Variants in IMPG1 observed in about 807,000 individuals in gnomAD.
IMPG1 encodes interphotoreceptor matrix proteoglycan of 150 kDa.
Under a neutral mutation model 92.0 loss-of-function variants are expected in IMPG1, and 85 were observed. The observed-to-expected ratio is 0.92, with a 90% confidence interval of 0.78 to 1.11. The LOEUF is 1.11. Among genes scored for constraint, IMPG1 ranks in the 50% least tolerant of loss-of-function variants. IMPG1 has a pLI of 0.00. For missense variants in IMPG1, 1,022 were observed against 956.0 expected, an observed-to-expected ratio of 1.07 and a Z score of -0.91; for synonymous variants, 367 against 334.1, an observed-to-expected ratio of 1.10 and a Z score of -1.08.
chr6:75,975,319 G>T (rs949423894), intron 12 of IMPG1, among the ~76,000 whole-genome samples: 1 of 152,212 alleles, frequency 6.6e-6, no homozygotes, highest in Non-Finnish European at 1.5e-5. Context: ...CTGGAACAAA[G>T]TCAGTTCTGA....
intron 2 of IMPG1, among the ~76,000 whole-genome samples, chr6:76,039,303 T>G (rs1016124558): frequency 6.6e-6 from 1 of 151,844 alleles, no homozygotes; most frequent in African/African-American, 2.4e-5. Flanking sequence ...TAGGACCCTA[T>G]CCATCTTTAA....
At chr6:76,065,150 AAGAAACTCTG>A (rs1784287801) in intron 1 of IMPG1, among the ~76,000 whole-genome samples, 1 of 152,186 alleles carries the variant, frequency 6.6e-6, no homozygotes, top group Non-Finnish European at 1.5e-5. Context: ...TGCAGATAAG[AAGAAACTCTG>A]TGAAACTCTG....
chr6:76,042,183 C>T, intron 1 of IMPG1, 57 bp from the exon 2 acceptor site: 1 of 900,672 alleles, frequency 1.1e-6, no homozygotes, highest in Non-Finnish European at 1.8e-6. Flanking sequence ...TTATATGTGA[C>T]ATATATGGAT....
At chr6:75,988,459 T>C (rs978582245) in intron 12 of IMPG1, among the ~76,000 whole-genome samples, 1 of 152,240 alleles carries the variant, frequency 6.6e-6, no homozygotes, top group Non-Finnish European at 1.5e-5. Flanking sequence ...GCCTACTTTT[T>C]GATGGGGTTG....
intron 4 of IMPG1, 31 bp from the exon 5 acceptor site, chr6:76,025,289 TG>T: frequency 7.7e-7 from 1 of 1,290,736 alleles, no homozygotes; most frequent in South Asian, 1.3e-5. Flanking sequence ...AAGGAAGAGG[TG>T]GTGAAAGAGA....
chr6:75,967,354 G>T (rs1021887957), intron 12 of IMPG1, among the ~76,000 whole-genome samples: 5 of 152,060 alleles, frequency 3.3e-5, no homozygotes, highest in African/African-American at 1.2e-4. Flanking sequence ...GTGGGTTGGG[G>T]GTGAGAAGGG....
chr6:76,046,721 G>C (rs541707272), intron 1 of IMPG1, among the ~76,000 whole-genome samples: 1 of 152,246 alleles, frequency 6.6e-6, no homozygotes, highest in East Asian at 1.9e-4. Context: ...CAGGGTTTCT[G>C]TGATATTAAA....
intron 1 of IMPG1, 53 bp downstream of exon 1, chr6:76,072,369 A>T (rs1000101334): frequency 2.0e-6 from 2 of 976,178 alleles, no homozygotes; most frequent in East Asian, 2.5e-5. Flanking sequence ...ATTCACTTCT[A>T]TCGGTAGATT....
chr6:75,936,248 C>T (rs1339639619), intron 14 of IMPG1, among the ~76,000 whole-genome samples: 3 of 152,238 alleles, frequency 2.0e-5, no homozygotes, highest in African/African-American at 4.8e-5. Flanking sequence ...CCAACTCAAA[C>T]ATACGTCTCC....
intron 1 of IMPG1, among the ~76,000 whole-genome samples, chr6:76,061,233 T>A (rs1784199841): frequency 6.6e-6 from 1 of 152,352 alleles, no homozygotes; most frequent in African/African-American, 2.4e-5. Context: ...TCAGGTGTGC[T>A]GCCACAGATT....
chr6:75,948,818 T>G (rs1459369608), intron 13 of IMPG1, among the ~76,000 whole-genome samples: 2 of 152,194 alleles, frequency 1.3e-5, no homozygotes, highest in African/African-American at 4.8e-5. Flanking sequence ...TTCCCACTAA[T>G]ATGATGTGGG....
At chr6:76,016,503 C>T (rs1325896255) in intron 7 of IMPG1, among the ~76,000 whole-genome samples, 2 of 152,156 alleles carry the variant, frequency 1.3e-5, no homozygotes, top group African/African-American at 4.8e-5. Context: ...CATAAATGCC[C>T]CATGCTGATT....
intron 12 of IMPG1, among the ~76,000 whole-genome samples, chr6:75,974,401 T>G (rs866798953): frequency 6.5e-5 from 6 of 92,824 alleles, no homozygotes; most frequent in Non-Finnish European, 1.3e-4. Context: ...CTTTTCTTTC[T>G]TTCCTTCCTT....
chr6:75,984,754 G>T (rs962140216), intron 12 of IMPG1, among the ~76,000 whole-genome samples: 1 of 152,162 alleles, frequency 6.6e-6, no homozygotes, highest in Non-Finnish European at 1.5e-5. Context: ...GATCCTTCAC[G>T]AATGGCTTAG....
At chr6:76,035,166 G>A (rs558233815) in intron 2 of IMPG1, among the ~76,000 whole-genome samples, 5 of 152,158 alleles carry the variant, frequency 3.3e-5, no homozygotes, top group Admixed American at 2.0e-4. Flanking sequence ...GGATGTCACT[G>A]TGGCCAGAGC....
chr6:75,982,595 A>G (rs1360450222), intron 12 of IMPG1, among the ~76,000 whole-genome samples: 1 of 149,760 alleles, frequency 6.7e-6, no homozygotes, highest in East Asian at 1.9e-4. Flanking sequence ...AGATATATAT[A>G]TGTGTGTGTA....
intron 12 of IMPG1, among the ~76,000 whole-genome samples, chr6:75,971,330 AG>A (rs1189360120): frequency 5.6e-5 from 5 of 88,744 alleles, no homozygotes; most frequent in Non-Finnish European, 8.8e-5. Context: ...GGGTCGGGGG[AG>A]GGGGGAGGGA....
At chr6:75,956,387 G>C (rs1282688414) in intron 12 of IMPG1, among the ~76,000 whole-genome samples, 1 of 152,168 alleles carries the variant, frequency 6.6e-6, no homozygotes, top group African/African-American at 2.4e-5. Flanking sequence ...CTTGCGTAGA[G>C]GTGTTTATAG....
Position 75,965,606 on chromosome 6 carries a change from C to CTTTT in IMPG1, c.1292-14516_1292-14513dup, listed in dbSNP as rs35490140. On this transcript the variant is annotated intron_variant, in intron 12 of 16. Transcript: ENST00000369950. ...TGTTTATATTTTCTACATACTTGTT[C>CTTTT]TTTTTTTTTTTTTTTTTTTGAGACG... Among the ~76,000 whole-genome samples, 1,020 of 112,448 alleles carry CTTTT rather than the reference C, an allele frequency of 9.1e-3. 48 individuals are homozygous for CTTTT. The highest frequency in any genetic ancestry group is 0.016 in the Middle Eastern group (2 of 122). 73.8% of individuals were successfully genotyped at this position (112,448 alleles called of 152,430 possible).
Sources: gnomAD v4.1 joint callset for allele counts (sites outside exome capture counted in the v4.1 genomes callset) on GRCh38, gnomAD v4.1.1 for gene constraint, MANE v1.5 for transcripts, NCBI Gene and HGNC (gene_info 2026-07-23, HGNC 2026-07-21) for gene names.